TSPAN18: variants seen among roughly 807,000 people sequenced by gnomAD.
The protein encoded by TSPAN18 is tetraspanin 18.
TSPAN18 carries 14 observed loss-of-function variants against 27.3 expected under a neutral mutation model. The observed-to-expected ratio is 0.51, with a 90% CI of 0.34 to 0.80. The LOEUF (loss-of-function observed/expected upper bound fraction) is 0.80. Among genes scored for constraint, TSPAN18 ranks in the 30% least tolerant of loss-of-function variants. TSPAN18 has a pLI of 0.01. For synonymous variants in TSPAN18, 143 were observed against 136.5 expected (o/e 1.05, Z -0.33); for missense variants, 268 against 323.9 (o/e 0.83, Z 1.32).
intron 2 of TSPAN18, among the ~76,000 whole-genome samples, chr11:44,842,569 G>A (rs749882995): frequency 2.0e-5 from 3 of 152,150 alleles, no homozygotes; most frequent in Admixed American, 6.5e-5. Context: ...GATAATAAGC[G>A]AGAGAGGGCC....
At chr11:44,844,418 G>A (rs1377615746) in intron 2 of TSPAN18, among the ~76,000 whole-genome samples, 1 of 152,182 alleles carries the variant, frequency 6.6e-6, no homozygotes, top group Non-Finnish European at 1.5e-5. Flanking sequence ...AATAGATGCT[G>A]TCAAATAGAG....
chr11:44,844,198 T>C (rs1857433568), intron 2 of TSPAN18, among the ~76,000 whole-genome samples: 1 of 152,258 alleles, frequency 6.6e-6, no homozygotes, highest in Non-Finnish European at 1.5e-5. Context: ...CCGGTCCCTC[T>C]GTTTGGGGTC....
At chr11:44,833,908 G>C (rs1177815904) in intron 2 of TSPAN18, among the ~76,000 whole-genome samples, 1 of 151,912 alleles carries the variant, frequency 6.6e-6, no homozygotes, top group Non-Finnish European at 1.5e-5. Flanking sequence ...AGAGGAATCT[G>C]CTTTGTCCAT....
chr11:44,851,940 A>G (rs1390162987), intron 2 of TSPAN18, among the ~76,000 whole-genome samples: 3 of 152,164 alleles, frequency 2.0e-5, no homozygotes, highest in East Asian at 3.9e-4. Context: ...CTTTTCAGCT[A>G]TTTGGGAACA....
In TSPAN18 at chr11:44,828,708, TC is replaced by T. The variant is rs371600392; in HGVS notation, c.-152-31615del. Among the ~76,000 whole-genome samples the T allele has an allele frequency of 1.9e-4, 29 of 152,176 alleles. No homozygotes were observed. In the East Asian group the frequency reaches 2.3e-3, roughly 12 times the overall value. ...ACAGCTTCCCTGACCTTCATTCCCT[TC>T]CCCCTTCTGTAGCCCAGCTGCAGTG... On this transcript the variant is annotated intron_variant, in intron 2 of 9. Coordinates refer to ENST00000520358, the MANE Select transcript of TSPAN18 (RefSeq NM_130783.5).
chr11:44,919,122 C>T (rs1860027431), intron 6 of TSPAN18, 92 bp from the exon 7 acceptor site: 1 of 1,058,294 alleles, frequency 9.4e-7, no homozygotes, highest in Non-Finnish European at 1.5e-6. Flanking sequence ...TCTCATTCCC[C>T]CAACTCCCAA....
intron 3 of TSPAN18, among the ~76,000 whole-genome samples, chr11:44,880,035 G>T (rs1000238000): frequency 6.6e-6 from 1 of 152,238 alleles, no homozygotes; most frequent in African/African-American, 2.4e-5. Flanking sequence ...ACGCTGGGGG[G>T]AGGCTGGACG....
At chr11:44,826,507 C>T (rs774224333) in intron 2 of TSPAN18, among the ~76,000 whole-genome samples, 14 of 152,194 alleles carry the variant, frequency 9.2e-5, no homozygotes, top group Admixed American at 7.9e-4. Flanking sequence ...TGTCTATCGC[C>T]GGCAGGTACC....
Position 44,906,499 on chromosome 11 carries a change from C to T in TSPAN18, c.63+20C>T, listed in dbSNP as rs1298007273. On this transcript the variant is annotated intron_variant, in intron 4 of 9. Transcript: ENST00000520358. ...ATATTTGTAAGTATTCCTGGGTCTT[C>T]CCAGGCCTCTGCTGGGTGGGCAGAA... 6.2e-7 allele frequency: 1 copy of T among 1,608,990 alleles called. No homozygotes were observed. The highest frequency in any genetic ancestry group is 8.5e-7 in the Non-Finnish European group (1 of 1,175,392).
intron 3 of TSPAN18, among the ~76,000 whole-genome samples, chr11:44,899,862 A>T (rs1859194739): frequency 6.6e-6 from 1 of 152,134 alleles, no homozygotes; most frequent in Non-Finnish European, 1.5e-5. Flanking sequence ...AGCTCAGGGA[A>T]ATTGGGAGAC....
At chr11:44,884,557 G>A (rs961369430) in intron 3 of TSPAN18, among the ~76,000 whole-genome samples, 4 of 152,190 alleles carry the variant, frequency 2.6e-5, no homozygotes, top group Non-Finnish European at 4.4e-5. Flanking sequence ...TTCCCCACTC[G>A]GGGCTTTGGC....
chr11:44,845,143 G>C (rs948889358), intron 2 of TSPAN18, among the ~76,000 whole-genome samples: 6 of 152,230 alleles, frequency 3.9e-5, no homozygotes, highest in Non-Finnish European at 8.8e-5. Context: ...GACTTTTACT[G>C]AAGACTCACC....
intron 2 of TSPAN18, among the ~76,000 whole-genome samples, chr11:44,851,008 C>T (rs113025810): frequency 0.01 from 1,555 of 152,324 alleles, 26 homozygotes; most frequent in African/African-American, 0.035. Context: ...CTCCAGGACA[C>T]ACAGCAACAC....
At chr11:44,747,313 T>C (rs545177902) in intron 1 of TSPAN18, among the ~76,000 whole-genome samples, 1 of 152,354 alleles carries the variant, frequency 6.6e-6, no homozygotes, top group Admixed American at 6.5e-5. Context: ...TGCTTGGATC[T>C]CAGCTGCCTT....
At chr11:44,792,417 G>A (rs1239837859) in intron 2 of TSPAN18, among the ~76,000 whole-genome samples, 2 of 152,212 alleles carry the variant, frequency 1.3e-5, no homozygotes, top group Non-Finnish European at 2.9e-5. Context: ...CTGAGTGGAA[G>A]GAGGTGAGCG....
chr11:44,830,029 A>G (rs977278350), intron 2 of TSPAN18, among the ~76,000 whole-genome samples: 3 of 152,224 alleles, frequency 2.0e-5, no homozygotes, highest in African/African-American at 4.8e-5. Context: ...AAGGGCCTGC[A>G]TGATCCACCC....
In TSPAN18 at chr11:44,803,094, C is replaced by T. The variant is rs536852285; in HGVS notation, c.-153+38582C>T. 3.3e-5 allele frequency among the ~76,000 whole-genome samples: 5 copies of T among 152,284 alleles called. No homozygotes were observed. In the East Asian group the frequency reaches 9.7e-4, roughly 29 times the overall value. On this transcript the variant is annotated intron_variant, in intron 2 of 9. Transcript: ENST00000520358. The stretch of plus-strand genomic sequence containing the variant: ...CTGGTCTATGAAACCAAGTTTCTGT[C>T]CTCTAGGAATTCAGCCTAGTAAGAA...
At chr11:44,924,097 T>TTGTGTG (rs57394106) in intron 8 of TSPAN18, among the ~76,000 whole-genome samples, 1,471 of 145,844 alleles carry the variant, frequency 0.01, 28 homozygotes, top group African/African-American at 0.034. Context: ...CCTTCTGGGG[T>TTGTGTG]TGTGTGTGTG....
At chr11:44,925,151 C>T (rs1341045065) in intron 8 of TSPAN18, among the ~76,000 whole-genome samples, 1 of 152,244 alleles carries the variant, frequency 6.6e-6, no homozygotes, top group Admixed American at 6.5e-5. Context: ...GACCTTTTCT[C>T]CTTGTCATCT....
Sources: gnomAD v4.1 joint callset for allele counts (sites outside exome capture counted in the v4.1 genomes callset) on GRCh38, gnomAD v4.1.1 for gene constraint, MANE v1.5 for transcripts, NCBI Gene and HGNC (gene_info 2026-07-23, HGNC 2026-07-21) for gene names.